TBC1D16: variants seen among roughly 807,000 people sequenced by gnomAD.
The protein encoded by TBC1D16 is TBC1 domain family member 16, also known as CTD-2529O21.1.
In TBC1D16, 58 loss-of-function variants were observed where a neutral mutation model predicts 74.7. The observed-to-expected ratio is 0.78, with a 90% CI of 0.63 to 0.97. The LOEUF (loss-of-function observed/expected upper bound fraction) is 0.97, where lower values mean the gene tolerates loss of function less well. Among genes scored for constraint, TBC1D16 ranks in the 50% least tolerant of loss-of-function variants. The pLI, the probability that TBC1D16 is intolerant of heterozygous loss-of-function variation, is 0.00. For synonymous variants in TBC1D16, 493 were observed against 474.7 expected (o/e 1.04, Z -0.50); for missense variants, 1,014 against 1,079.5 (o/e 0.94, Z 0.85).
intron 3 of TBC1D16, among the ~76,000 whole-genome samples, chr17:79,957,857 A>T (rs63290260): frequency 5.0e-5 from 2 of 39,994 alleles, no homozygotes; most frequent in Non-Finnish European, 9.7e-5. Context: ...AACATCTATT[A>T]AAAAAAAAAA....
chr17:80,008,379 A>T lies in TBC1D16; in HGVS notation c.779+1781T>A, dbSNP rs547804855. Among the ~76,000 whole-genome samples the T allele has an allele frequency of 6.6e-6, 1 of 152,200 alleles. No homozygotes were observed. The highest frequency in any genetic ancestry group is 2.1e-4 in the South Asian group (1 of 4,824). ...CCTAACTCCTAAACTTGAGCTCCCT[A>T]CGAGATGGGGCTGCGGGACAGAGAG... On this transcript the variant is annotated intron_variant, in intron 3 of 11. Transcript: ENST00000310924. This position sits in a 1 kb window ranked among gnomAD's most constrained non-coding sequence, Gnocchi z 4.5.
Position 80,000,267 on chromosome 17 carries a change from G to T in TBC1D16, c.779+9893C>A, listed in dbSNP as rs1039714877. On this transcript the variant is annotated intron_variant, in intron 3 of 11. Transcript: ENST00000310924. This position sits in a 1 kb window ranked among gnomAD's most constrained non-coding sequence, Gnocchi z 4.1. Reference sequence around the variant, plus strand: ...GAAGCTCCCAATGTGACCTTATTCAGAAATAGGGTCTCAGCAGATGTCACC... The same window carrying T: ...GAAGCTCCCAATGTGACCTTATTCATAAATAGGGTCTCAGCAGATGTCACC... Among the ~76,000 whole-genome samples, 1 of 152,172 alleles carries T rather than the reference G, an allele frequency of 6.6e-6. No individual in the cohort carries two copies. The highest frequency in any genetic ancestry group is 1.5e-5 in the Non-Finnish European group (1 of 68,028).
At chr17:80,014,414 A>G (rs2036016610) in intron 1 of TBC1D16, among the ~76,000 whole-genome samples, 1 of 152,186 alleles carries the variant, frequency 6.6e-6, no homozygotes, top group African/African-American at 2.4e-5. Context: ...AGAATATATA[A>G]AGAACTCCTA....
rs377148307 is a variant in TBC1D16, at chr17:79,942,127, G to C, written c.1988C>G (p.Thr663Arg). Residue 663 changes from threonine to arginine, a missense_variant, in exon 11 of 12, where the codon ACG becomes AGG. Physicochemically the swap from Thr to Arg is moderately conservative, Grantham distance 71. Coordinates refer to ENST00000310924, the MANE Select transcript of TBC1D16 (RefSeq NM_019020.4). ...GDDVIEQQLA[T>R]DQMLLHFGNL... Reference sequence around the variant, plus strand: ...TCCGAAGTGCAGGAGCATCTGGTCCGTGGCCAGCTGCTGCTCGATGACGTC... The same window carrying C: ...TCCGAAGTGCAGGAGCATCTGGTCCCTGGCCAGCTGCTGCTCGATGACGTC... 2 of 1,611,550 alleles carry C rather than the reference G, an allele frequency of 1.2e-6. No individual in the cohort carries two copies. The highest frequency in any genetic ancestry group is 1.1e-5 in the South Asian group (1 of 90,614).
At chr17:79,946,006 T>C (rs1326071895) in intron 9 of TBC1D16, among the ~76,000 whole-genome samples, 1 of 152,216 alleles carries the variant, frequency 6.6e-6, no homozygotes, top group Non-Finnish European at 1.5e-5. Flanking sequence ...CTCGTGTGGC[T>C]GACCCCCTTG....
rs774363755 is a variant in TBC1D16, at chr17:80,002,313, C to T, written c.779+7847G>A. On this transcript the variant is annotated intron_variant, in intron 3 of 11. Transcript: ENST00000310924. The stretch of plus-strand genomic sequence containing the variant: ...GATAACGCCGTTAATAATTCAGCCG[C>T]TGCCGCTGATACTCGGTCGACAAGG... 4.6e-5 allele frequency among the ~76,000 whole-genome samples: 7 copies of T among 152,370 alleles called. No homozygotes were observed. The South Asian group carries it at 1.0e-3, about 23-fold the overall frequency.
intron 1 of TBC1D16, among the ~76,000 whole-genome samples, chr17:80,017,376 AC>A (rs1054102035): frequency 6.6e-6 from 1 of 151,786 alleles, no homozygotes. Flanking sequence ...CCATTTTTCA[AC>A]CCCCTTAAAA....
chr17:79,951,777 C>A lies in TBC1D16; in HGVS notation c.942-180G>T, dbSNP rs181729026. On this transcript the variant is annotated intron_variant, in intron 4 of 11. Transcript: ENST00000310924. ...CTACACCGAACAAAAACCACCACCC[C>A]CTTTGCCGAAGATGGCAAAACTGCT... 9.8e-5 allele frequency among the ~76,000 whole-genome samples: 15 copies of A among 152,350 alleles called. No individual in the cohort carries two copies. The East Asian group carries it at 1.9e-3, about 20-fold the overall frequency.
At position 79,983,872 on chromosome 17, in the gene TBC1D16, T is replaced by C. The variant is rs2034699801; in HGVS notation, c.779+26288A>G. On this transcript the variant is annotated intron_variant, in intron 3 of 11. Transcript: ENST00000310924. The surrounding 1 kb of genome is among the most constrained non-coding windows in gnomAD (Gnocchi z 5.6). ...AAATATGACAAAATTTAAAAAAAATTTAAATTTATTTAGAGACAGGGTCAT... is the reference window on the plus strand; with the variant it reads ...AAATATGACAAAATTTAAAAAAAATCTAAATTTATTTAGAGACAGGGTCAT... 6.6e-6 allele frequency among the ~76,000 whole-genome samples: 1 copy of C among 152,090 alleles called. No individual in the cohort carries two copies. The highest frequency in any genetic ancestry group is 2.1e-4 in the South Asian group (1 of 4,822).
chr17:80,008,380 C>G lies in TBC1D16; in HGVS notation c.779+1780G>C, dbSNP rs997255267. 6.6e-6 allele frequency among the ~76,000 whole-genome samples: 1 copy of G among 152,156 alleles called. No individual in the cohort carries two copies. The highest frequency in any genetic ancestry group is 2.4e-5 in the African/African-American group (1 of 41,430). On this transcript the variant is annotated intron_variant, in intron 3 of 11. Coordinates refer to ENST00000310924, the MANE Select transcript of TBC1D16 (RefSeq NM_019020.4). The surrounding 1 kb of genome is among the most constrained non-coding windows in gnomAD (Gnocchi z 4.5). Reference sequence around the variant, plus strand: ...CTAACTCCTAAACTTGAGCTCCCTACGAGATGGGGCTGCGGGACAGAGAGC... The same window carrying G: ...CTAACTCCTAAACTTGAGCTCCCTAGGAGATGGGGCTGCGGGACAGAGAGC...
intron 3 of TBC1D16, among the ~76,000 whole-genome samples, chr17:79,978,716 T>C (rs2034446931): frequency 6.6e-5 from 10 of 152,258 alleles, no homozygotes; most frequent in Admixed American, 6.5e-4. Flanking sequence ...ACTGGGCTTT[T>C]TCCATTCAGC....
intron 3 of TBC1D16, among the ~76,000 whole-genome samples, chr17:79,969,671 G>A (rs1279442493): frequency 6.6e-6 from 1 of 152,172 alleles, no homozygotes; most frequent in Non-Finnish European, 1.5e-5. Flanking sequence ...GCCGGGCACG[G>A]TGGCTCATGC....
At position 79,951,435 on chromosome 17, in the gene TBC1D16, C is replaced by A; in HGVS notation, c.1089+15G>T. Reference sequence around the variant, plus strand: ...TGTCAACCGCTGGGCATTCTGGGGCCGTCTGCTGGGCTACCTGGTCTTTGA... The same window carrying A: ...TGTCAACCGCTGGGCATTCTGGGGCAGTCTGCTGGGCTACCTGGTCTTTGA... On this transcript the variant is annotated intron_variant, in intron 5 of 11. Coordinates refer to ENST00000310924, the MANE Select transcript of TBC1D16 (RefSeq NM_019020.4). 1 of 1,610,632 alleles carries A rather than the reference C, an allele frequency of 6.2e-7. No individual in the cohort carries two copies.
At chr17:80,016,495 C>G (rs887609038) in intron 1 of TBC1D16, among the ~76,000 whole-genome samples, 1 of 151,738 alleles carries the variant, frequency 6.6e-6, no homozygotes, top group South Asian at 2.1e-4. Context: ...TGATCTTGTT[C>G]TTTGAACTTT....
At chr17:80,015,407 C>G (rs1475719084) in intron 1 of TBC1D16, among the ~76,000 whole-genome samples, 1 of 152,008 alleles carries the variant, frequency 6.6e-6, no homozygotes, top group Non-Finnish European at 1.5e-5. Context: ...GCACTCCAGC[C>G]TGGGCGACAG....
Position 79,950,638 on chromosome 17 carries a change from G to C in TBC1D16, c.1090-60C>G, listed in dbSNP as rs148019412. ...CTCAGCCGCGCGGCTTCAGAGGCCA[G>C]CAGTGCTTTTCCCAGGAATAAAAGC... On this transcript the variant is annotated intron_variant, in intron 5 of 11. Coordinates refer to ENST00000310924, the MANE Select transcript of TBC1D16 (RefSeq NM_019020.4). The surrounding 1 kb of genome is among the most constrained non-coding windows in gnomAD (Gnocchi z 4.6). 2.6e-4 allele frequency: 414 copies of C among 1,581,040 alleles called. No individual in the cohort carries two copies. The African/African-American group carries it at 3.8e-3, about 15-fold the overall frequency.
intron 3 of TBC1D16, among the ~76,000 whole-genome samples, chr17:79,957,773 G>A (rs1371856918): frequency 6.6e-6 from 1 of 151,746 alleles, no homozygotes; most frequent in Non-Finnish European, 1.5e-5. Context: ...GCGTGTGGTG[G>A]GGGAGGGGGT....
intron 1 of TBC1D16, among the ~76,000 whole-genome samples, chr17:80,016,602 C>T (rs1048317389): frequency 2.4e-4 from 2 of 8,476 alleles, no homozygotes; most frequent in African/African-American, 1.0e-3. Flanking sequence ...GGCTCTGGGA[C>T]AGAGGGTGGG....
At chr17:79,978,844 A>C (rs940813610) in intron 3 of TBC1D16, among the ~76,000 whole-genome samples, 1 of 152,228 alleles carries the variant, frequency 6.6e-6, no homozygotes, top group African/African-American at 2.4e-5. Context: ...CGCTGGGTAC[A>C]TCTAATAAAT....
Sources: allele counts gnomAD v4.1 joint callset (sites outside exome capture counted in the v4.1 genomes callset), GRCh38; gene constraint gnomAD v4.1.1; non-coding constraint Gnocchi (gnomAD v3.1); transcripts MANE v1.5; gene names NCBI Gene and HGNC (gene_info 2026-07-23, HGNC 2026-07-21).